Variants in FAHD2B observed in about 807,000 individuals in gnomAD.
FAHD2B encodes the protein oxaloacetate tautomerase FAHD2B, mitochondrial.
A neutral mutation model predicts 33.7 loss-of-function variants in FAHD2B; 26 were observed. The ratio of observed to expected loss-of-function variants is 0.77; its 90% CI spans 0.57 to 1.07. The LOEUF (loss-of-function observed/expected upper bound fraction) is 1.07. FAHD2B is among the 50% of genes least tolerant of loss of function. The pLI, the probability that FAHD2B is intolerant of heterozygous loss-of-function variation, is 0.00. For missense variants in FAHD2B, 272 were observed against 388.1 expected, an observed-to-expected ratio of 0.70 and a Z score of 2.51; for synonymous variants, 108 against 150.9, an observed-to-expected ratio of 0.72 and a Z score of 2.08.
chr2:97,081,345 T>G, downstream of FAHD2B: 3 of 1,563,932 alleles, frequency 1.9e-6, no homozygotes, highest in Non-Finnish European at 2.6e-6. Context: ...TGAAACCTCC[T>G]GGGTGGTAGG....
chr2:97,086,994 T>C (rs1205208201), intron 4 of FAHD2B: 2 of 151,698 alleles, frequency 1.3e-5, no homozygotes, highest in Admixed American at 1.3e-4. Context: ...ACCAATTGAA[T>C]AAAAACAAAA....
intron 4 of FAHD2B, 82 bp from the exon 5 acceptor site, chr2:97,086,280 C>CT: frequency 6.4e-7 from 1 of 1,557,366 alleles, no homozygotes. Flanking sequence ...CCATGGATCT[C>CT]TGTCAGTATG....
intron 4 of FAHD2B, chr2:97,087,060 C>CT (rs1192923558): frequency 6.6e-5 from 10 of 151,302 alleles, no homozygotes; most frequent in South Asian, 2.1e-4. Flanking sequence ...AGCTTTTTTT[C>CT]TTTTTTTTTG....
At chr2:97,092,143 G>C (rs557772809) in intron 1 of FAHD2B, among the ~76,000 whole-genome samples, 155 bp from the exon 2 acceptor site, 1 of 152,276 alleles carries the variant, frequency 6.6e-6, no homozygotes, top group Admixed American at 6.5e-5. Flanking sequence ...TCTGGAGGAA[G>C]TGATGTGAGC....
In FAHD2B at chr2:97,089,443, C is replaced by T. The variant is rs556821653; in HGVS notation, c.462+666G>A. On this transcript the variant is annotated intron_variant, in intron 4 of 8. Coordinates refer to ENST00000414820, the MANE Select transcript of FAHD2B (RefSeq NM_001320848.2). ...CTGAGGCAGGAGAATCACTTGAACC[C>T]AGGAGGCGGAGGTTGCAGTGAACCA... Among the ~76,000 whole-genome samples, 189 of 143,562 alleles carry T rather than the reference C, an allele frequency of 1.3e-3. 1 individual carries two copies. Among genetic ancestry groups the T allele is most frequent in the African/African-American group, 4.6e-3 (179 of 38,868 alleles). 94.2% of individuals were successfully genotyped at this position (143,562 alleles called of 152,430 possible).
downstream of FAHD2B, among the ~76,000 whole-genome samples, chr2:97,079,369 A>G (rs1003660610): frequency 1.3e-5 from 2 of 152,130 alleles, no homozygotes; most frequent in African/African-American, 4.8e-5. Context: ...CAATGGTTGA[A>G]CTAATTTATA....
At chr2:97,079,306 G>T (rs550835231), downstream of FAHD2B, among the ~76,000 whole-genome samples, 92 of 152,182 alleles carry the variant, frequency 6.0e-4, no homozygotes, top group Non-Finnish European at 9.4e-4. Flanking sequence ...GATTGCTTGG[G>T]TGAATGTTAT....
At chr2:97,085,999 C>A in intron 5 of FAHD2B, 138 bp from the exon 6 acceptor site, 2 of 1,340,300 alleles carry the variant, frequency 1.5e-6, no homozygotes, top group Non-Finnish European at 2.1e-6. Flanking sequence ...AAGGCAGTGT[C>A]AGGGAGCAAG....
chr2:97,083,989 G>C lies in FAHD2B; in HGVS notation c.841C>G (p.Pro281Ala). The C allele has an allele frequency of 6.2e-7, 1 of 1,613,798 alleles. No individual in the cohort carries two copies. Reference protein sequence around the residue: ...PGDVILTGTPPGVGVFRKPPV... With the variant: ...PGDVILTGTPAGVGVFRKPPV... ...GGTTTCCTGAATACACCGACACCTGGGGGGGTCCCAGTTAGGATGACATCC... is the reference window on the plus strand; with the variant it reads ...GGTTTCCTGAATACACCGACACCTGCGGGGGTCCCAGTTAGGATGACATCC... The change falls in exon 8 of 9, where the codon CCA (proline) becomes GCA (alanine). Residue 281 changes from proline to alanine, a missense_variant. Coordinates refer to ENST00000414820, the MANE Select transcript of FAHD2B (RefSeq NM_001320848.2).
chr2:97,082,027 A>G, downstream of FAHD2B: 6 of 1,578,390 alleles, frequency 3.8e-6, no homozygotes, highest in Non-Finnish European at 5.2e-6. Flanking sequence ...ACGGCGACTG[A>G]GCAGAAAGCT....
In FAHD2B at chr2:97,091,470, C is replaced by T. The variant is rs767826127; in HGVS notation, c.237G>A (p.Val79=). ...FLEQGEATLS[V]ARRALAAQLP... is the part of the protein sequence containing the mutation. ...GCTGCCCACTTACTTACCTTCTTGC[C>T]ACTGAGAGGGTGGCCTCTCCCTGCT... The change falls in exon 3 of 9, where the codon GTG becomes GTA. Residue 79 remains valine (V), a synonymous_variant. Coordinates refer to ENST00000414820, the MANE Select transcript of FAHD2B (RefSeq NM_001320848.2). 1.9e-5 allele frequency: 30 copies of T among 1,611,530 alleles called. No individual in the cohort carries two copies. The highest frequency in any genetic ancestry group is 2.0e-5 in the Non-Finnish European group (24 of 1,179,260).
intron 8 of FAHD2B, 22 bp downstream of exon 8, chr2:97,083,926 T>C (rs2031776454): frequency 6.2e-7 from 1 of 1,613,928 alleles, no homozygotes; most frequent in Non-Finnish European, 8.5e-7. Context: ...GCCCTTGCTC[T>C]CTTTGCTTTT....
chr2:97,085,433 T>C (rs2031912027), intron 6 of FAHD2B, among the ~76,000 whole-genome samples: 1 of 151,482 alleles, frequency 6.6e-6, no homozygotes. Context: ...GGAAGCCCGA[T>C]CCACCCATCA....
At chr2:97,091,229 T>G (rs2032316305) in intron 3 of FAHD2B, among the ~76,000 whole-genome samples, 2 of 100,368 alleles carry the variant, frequency 2.0e-5, no homozygotes, top group African/African-American at 5.8e-5. Context: ...GCACCACATG[T>G]ATGGCCTTGA....
Position 97,091,590 on chromosome 2 carries a change from C to A in FAHD2B, c.117G>T (p.Gly39=). The A allele has an allele frequency of 1.2e-6, 2 of 1,613,916 alleles. No homozygotes were observed. Among genetic ancestry groups the A allele is most frequent in the Non-Finnish European group, 1.7e-6 (2 of 1,179,994 alleles). ...LVQFRAPHLV[G]PHLGLETGNG... is the part of the protein sequence containing the mutation. ...TCCCTGTCTCCAGGCCCAAGTGAGGCCCCACCAGGTGGGGTGCCCGGAACT... is the reference window on the plus strand; with the variant it reads ...TCCCTGTCTCCAGGCCCAAGTGAGGACCCACCAGGTGGGGTGCCCGGAACT... The change falls in exon 3 of 9, where the codon GGG becomes GGT. Residue 39 remains glycine (G), a synonymous_variant. Transcript: ENST00000414820.
intron 6 of FAHD2B, 67 bp downstream of exon 6, chr2:97,085,632 G>A (rs1260914427): frequency 6.3e-7 from 1 of 1,592,940 alleles, no homozygotes; most frequent in African/African-American, 1.3e-5. Context: ...CTGAACCCAT[G>A]CTCCTCCCTG....
At chr2:97,083,137 G>T, downstream of FAHD2B, 2 of 1,568,214 alleles carry the variant, frequency 1.3e-6, no homozygotes, top group Non-Finnish European at 1.7e-6. Context: ...ATCTTCCATG[G>T]CCCAGGTTCT....
At chr2:97,093,620 G>A (rs2032488815) in intron 1 of FAHD2B, among the ~76,000 whole-genome samples, 1 of 151,914 alleles carries the variant, frequency 6.6e-6, no homozygotes, top group South Asian at 2.1e-4. Flanking sequence ...GACTACAGGC[G>A]CATGCCGCCA....
chr2:97,082,774 G>T, downstream of FAHD2B: 1 of 1,474,838 alleles, frequency 6.8e-7, no homozygotes, highest in South Asian at 1.1e-5. Context: ...AGGAGCCAGT[G>T]TCACCATCTT....
Sources: gnomAD v4.1 joint callset for allele counts (sites outside exome capture counted in the v4.1 genomes callset) on GRCh38, gnomAD v4.1.1 for gene constraint, MANE v1.5 for transcripts, NCBI Gene and HGNC (gene_info 2026-07-23, HGNC 2026-07-21) for gene names.